FNDC3B: variants seen among roughly 807,000 people sequenced by gnomAD.
FNDC3B encodes the protein fibronectin type III domain containing 3B.
In FNDC3B, 12 loss-of-function variants were observed where a neutral mutation model predicts 151.5. That is an observed-to-expected ratio of 0.08 (90% CI 0.05 to 0.13). The LOEUF is 0.13. Among genes scored for constraint, FNDC3B ranks in the 10% least tolerant of loss-of-function variants. The probability of loss-of-function intolerance (pLI) is 1.00; values close to 1 mark genes in which losing one functional copy is unlikely to be tolerated. For missense variants in FNDC3B, 1,214 were observed against 1,505.3 expected, an observed-to-expected ratio of 0.81 and a Z score of 3.20; for synonymous variants, 528 against 549.0, an observed-to-expected ratio of 0.96 and a Z score of 0.54.
At position 172,333,103 on chromosome 3, in the gene FNDC3B, C is replaced by A; in HGVS notation, c.1569C>A (p.His523Gln). 6.2e-7 allele frequency: 1 copy of A among 1,612,142 alleles called. No individual in the cohort carries two copies. Among genetic ancestry groups the A allele is most frequent in the Non-Finnish European group, 8.5e-7 (1 of 1,178,270 alleles). Residue 523 changes from histidine (H) to glutamine (Q), a missense_variant, in exon 14 of 26, where the codon CAC (histidine) becomes CAA (glutamine). Physicochemically the swap from His to Gln is conservative, Grantham distance 24. This residue lies in a region of FNDC3B where 111 missense variants were observed against 96.8 expected (regional missense o/e 1.15). Coordinates refer to ENST00000415807, the MANE Select transcript of FNDC3B (RefSeq NM_022763.4). ...IQEDENDNLF[H>Q]PKYTGEDLTC... ...TGCCTTTTCAGGATAACCTTTTCCA[C>A]CCAAAATACACTGGAGAGGATTTAA...
intron 1 of FNDC3B, among the ~76,000 whole-genome samples, chr3:172,062,314 T>C (rs973589265): frequency 2.3e-4 from 35 of 151,566 alleles, no homozygotes; most frequent in Middle Eastern, 3.5e-3. Context: ...TTCTCCTCCT[T>C]CTTTTTTTTT....
chr3:172,220,072 G>A (rs892974713), intron 3 of FNDC3B, among the ~76,000 whole-genome samples: 3 of 152,156 alleles, frequency 2.0e-5, no homozygotes, highest in Non-Finnish European at 4.4e-5. Context: ...TTAACTTTGA[G>A]GAAGTGGTAC....
intron 2 of FNDC3B, among the ~76,000 whole-genome samples, chr3:172,123,496 A>G (rs1214703293): frequency 6.6e-6 from 1 of 152,080 alleles, no homozygotes. Flanking sequence ...ATCACTGAGC[A>G]TGTTACTGTC....
intron 12 of FNDC3B, 70 bp from the exon 13 acceptor site, chr3:172,330,471 C>G (rs1174159716): frequency 1.9e-5 from 27 of 1,396,852 alleles, no homozygotes; most frequent in Non-Finnish European, 2.6e-5. Context: ...GCAGGCTGAG[C>G]CTTCCTCTTT....
At position 172,091,873 on chromosome 3, in the gene FNDC3B, G is replaced by GGGGTGTGTGTGTGTGT. The variant is rs1553760105; in HGVS notation, c.-28-20578_-28-20577insGGTGTGTGTGTGTGTG. On this transcript the variant is annotated intron_variant, in intron 1 of 25. Coordinates refer to ENST00000415807, the MANE Select transcript of FNDC3B (RefSeq NM_022763.4). ...ACTCACAGTGCCCTGACTTTACTGG[G>GGGGTGTGTGTGTGTGT]GTGTGTGTGTGTGTGTGTGTGTGTG... Among the ~76,000 whole-genome samples, 275 of 124,822 alleles carry GGGGTGTGTGTGTGTGT rather than the reference G, an allele frequency of 2.2e-3. 1 individual carries two copies. The highest frequency in any genetic ancestry group is 3.1e-3 in the Admixed American group (37 of 11,908). The allele number at this position is 124,822 out of a possible 152,430, so 81.9% of individuals were successfully genotyped here. A position where few individuals can be genotyped will look rare whatever the true frequency, so the allele number is the denominator to read the frequency against.
intron 11 of FNDC3B, among the ~76,000 whole-genome samples, chr3:172,315,074 G>A (rs890265747): frequency 1.3e-5 from 2 of 152,122 alleles, no homozygotes; most frequent in African/African-American, 2.4e-5. Context: ...ATGGTAATTA[G>A]CAGCTAAAAA....
rs77739057 is a variant in FNDC3B at position 172,116,443 on chromosome 3, G to A, written c.111+3853G>A. ...TCCTGTTTCTCTCTCCCTTCCCCCC[G>A]TCCTAGGTAACCACTAATTCACTTA... is the stretch of plus-strand genomic sequence containing the variant. On this transcript the variant is annotated intron_variant, in intron 2 of 25. Transcript: ENST00000415807. Among the ~76,000 whole-genome samples the A allele has an allele frequency of 8.4e-4, 127 of 152,070 alleles. 2 individuals carry two copies. The highest frequency in any genetic ancestry group is 2.8e-3 in the African/African-American group (117 of 41,488).
chr3:172,384,243 G>C (rs1030562550), intron 25 of FNDC3B, among the ~76,000 whole-genome samples: 9 of 152,180 alleles, frequency 5.9e-5, no homozygotes, highest in African/African-American at 2.2e-4. Flanking sequence ...ACATCTACCA[G>C]TGTCGATTAA....
intron 1 of FNDC3B, among the ~76,000 whole-genome samples, chr3:172,042,482 G>T (rs1716135061): frequency 1.3e-5 from 2 of 152,226 alleles, no homozygotes; most frequent in East Asian, 3.8e-4. Context: ...GTGACTTGTT[G>T]AGGGTCACCA....
chr3:172,133,324 C>T (rs1357196414), intron 2 of FNDC3B, 147 bp from the exon 3 acceptor site: 6 of 628,476 alleles, frequency 9.5e-6, no homozygotes, highest in South Asian at 2.1e-5. Flanking sequence ...CCCCCATGCC[C>T]CCAATTAAGA....
chr3:172,393,997 A>G (rs886869381), intron 25 of FNDC3B, among the ~76,000 whole-genome samples: 2 of 148,810 alleles, frequency 1.3e-5, no homozygotes, highest in Admixed American at 6.8e-5. Flanking sequence ...AGTCCCAGGT[A>G]CTCGGGAGGC....
At chr3:172,087,448 G>A (rs1718602933) in intron 1 of FNDC3B, among the ~76,000 whole-genome samples, 1 of 152,146 alleles carries the variant, frequency 6.6e-6, no homozygotes, top group Admixed American at 6.5e-5. Flanking sequence ...GTGCATATGT[G>A]TGTGGGCGTT....
At chr3:172,209,254 C>T (rs2108707455) in intron 3 of FNDC3B, among the ~76,000 whole-genome samples, 1 of 152,292 alleles carries the variant, frequency 6.6e-6, no homozygotes, top group African/African-American at 2.4e-5. Flanking sequence ...CTAGTGCTGG[C>T]AGAGGGCGGG....
chr3:172,112,566 G>A lies in FNDC3B; in HGVS notation c.87G>A (p.Leu29=). 1 of 1,613,582 alleles carries A rather than the reference G, an allele frequency of 6.2e-7. No individual in the cohort carries two copies. The highest frequency in any genetic ancestry group is 8.5e-7 in the Non-Finnish European group (1 of 1,179,514). ...GAGAGGTAGCCATGATGCCCCACTT[G>A]GTGAATGGAGATGCAGCTCAGCAGG... is the stretch of plus-strand genomic sequence containing the variant. The part of the protein sequence containing the change: ...LNGEVAMMPH[L]VNGDAAQQVI... The change falls in exon 2 of 26, where the codon TTG becomes TTA. Residue 29 remains leucine (L), a synonymous_variant. Transcript: ENST00000415807.
intron 3 of FNDC3B, among the ~76,000 whole-genome samples, chr3:172,197,233 T>A (rs1418579792): frequency 6.6e-6 from 1 of 152,016 alleles, no homozygotes; most frequent in Non-Finnish European, 1.5e-5. Context: ...ATTTAAAATG[T>A]TTGAAACAGC....
At chr3:172,174,571 A>G (rs750566828) in intron 3 of FNDC3B, among the ~76,000 whole-genome samples, 12 of 152,160 alleles carry the variant, frequency 7.9e-5, no homozygotes, top group Non-Finnish European at 1.3e-4. Context: ...TAATGTTTGG[A>G]ATCTTTGAAT....
intron 25 of FNDC3B, among the ~76,000 whole-genome samples, chr3:172,393,474 G>T (rs1280505399): frequency 6.6e-6 from 1 of 152,110 alleles, no homozygotes; most frequent in Non-Finnish European, 1.5e-5. Flanking sequence ...AATAAACATT[G>T]GGCTTGAACA....
At chr3:172,284,367 C>A (rs1186963528) in intron 6 of FNDC3B, among the ~76,000 whole-genome samples, 2 of 152,126 alleles carry the variant, frequency 1.3e-5, no homozygotes, top group East Asian at 3.9e-4. Flanking sequence ...AAAAATTTGC[C>A]TACTCCGGAC....
In FNDC3B at chr3:172,394,693, A is replaced by G. The variant is rs535397372; in HGVS notation, c.3304-2471A>G. ...TACCAATCCTTCTCAGATTCTTTCA[A>G]AAAGGTAAATGAGGAGGGAATACTT... On this transcript the variant is annotated intron_variant, in intron 25 of 25. Coordinates refer to ENST00000415807, the MANE Select transcript of FNDC3B (RefSeq NM_022763.4). Among the ~76,000 whole-genome samples, 4 of 152,348 alleles carry G rather than the reference A, an allele frequency of 2.6e-5. No homozygotes were observed. In the South Asian group the frequency reaches 8.3e-4, roughly 32 times the overall value.
Sources: gnomAD v4.1 joint callset for allele counts (sites outside exome capture counted in the v4.1 genomes callset) on GRCh38, gnomAD v4.1.1 for gene constraint, gnomAD v4.1.1 regional missense constraint, MANE v1.5 for transcripts, NCBI Gene and HGNC (gene_info 2026-07-23, HGNC 2026-07-21) for gene names.